The following IL27RA variants were observed in gnomAD, a reference collection of about 807,000 sequenced individuals.
The protein encoded by IL27RA is interleukin 27 receptor subunit alpha.
IL27RA carries 61 observed loss-of-function variants against 80.8 expected under a neutral mutation model. The observed-to-expected ratio is 0.76, with a 90% CI of 0.61 to 0.93. IL27RA has a LOEUF of 0.93. Among genes scored for constraint, IL27RA ranks in the 40% least tolerant of loss-of-function variants. The pLI, the probability that IL27RA is intolerant of heterozygous loss-of-function variation, is 0.00. For synonymous variants in IL27RA, 316 were observed against 332.5 expected, an observed-to-expected ratio of 0.95 and a Z score of 0.54; for missense variants, 735 against 808.1, an observed-to-expected ratio of 0.91 and a Z score of 1.10.
chr19:14,038,292 GC>G, intron 2 of IL27RA, among the ~76,000 whole-genome samples: 1 of 152,066 alleles, frequency 6.6e-6, no homozygotes, highest in African/African-American at 2.4e-5. Context: ...ACAAGTGCGC[GC>G]CACTACCCCT....
intron 2 of IL27RA, among the ~76,000 whole-genome samples, chr19:14,036,566 G>T (rs1975902927): frequency 6.8e-6 from 1 of 146,672 alleles, no homozygotes. Flanking sequence ...TCAGCTCACT[G>T]CAACCTCTGC....
At chr19:14,041,972 G>A (rs1301338370) in intron 4 of IL27RA, among the ~76,000 whole-genome samples, 1 of 152,024 alleles carries the variant, frequency 6.6e-6, no homozygotes, top group Non-Finnish European at 1.5e-5. Flanking sequence ...AGGCCGAGGC[G>A]GGCGGATCAC....
intron 2 of IL27RA, 90 bp from the exon 3 acceptor site, chr19:14,039,418 G>C: frequency 6.9e-7 from 1 of 1,458,288 alleles, no homozygotes; most frequent in Non-Finnish European, 9.3e-7. Context: ...AAGCAGAGCA[G>C]GCTGCAGCCA....
intron 10 of IL27RA, among the ~76,000 whole-genome samples, chr19:14,049,792 C>T (rs914695146): frequency 6.6e-6 from 1 of 151,948 alleles, no homozygotes; most frequent in Non-Finnish European, 1.5e-5. Flanking sequence ...GTTGGTCAGA[C>T]TGATCTCGAA....
chr19:14,035,561 A>C (rs949075476), intron 2 of IL27RA, among the ~76,000 whole-genome samples: 3 of 151,646 alleles, frequency 2.0e-5, no homozygotes, highest in East Asian at 1.9e-4. Context: ...ACGCATGGCT[A>C]ATTTTGTATT....
intron 5 of IL27RA, 37 bp from the exon 6 acceptor site, chr19:14,042,679 C>G (rs1976008481): frequency 6.2e-7 from 1 of 1,613,730 alleles, no homozygotes; most frequent in East Asian, 2.2e-5. Flanking sequence ...CCAATCATGT[C>G]CCACTCATTT....
intron 6 of IL27RA, among the ~76,000 whole-genome samples, chr19:14,044,617 C>T (rs1222033615): frequency 5.9e-5 from 9 of 151,920 alleles, no homozygotes; most frequent in Middle Eastern, 6.8e-3. Context: ...TTGATTGGAA[C>T]CAAGACCAGG....
intron 2 of IL27RA, among the ~76,000 whole-genome samples, chr19:14,037,474 C>CG (rs1470749547): frequency 6.6e-6 from 1 of 151,148 alleles, no homozygotes; most frequent in Non-Finnish European, 1.5e-5. Flanking sequence ...AGGCTGGTCT[C>CG]CAACTCCTGG....
At chr19:14,032,274 A>G in intron 1 of IL27RA, 112 bp from the exon 2 acceptor site, 1 of 859,532 alleles carries the variant, frequency 1.2e-6, no homozygotes, top group South Asian at 1.6e-5. Flanking sequence ...CCTGCTGCTC[A>G]TTTCCCTAAG....
chr19:14,044,318 C>T (rs1233815747), intron 6 of IL27RA, among the ~76,000 whole-genome samples: 1 of 151,948 alleles, frequency 6.6e-6, no homozygotes, highest in East Asian at 1.9e-4. Context: ...TGGCTCACCG[C>T]AACCTCCGCC....
At chr19:14,051,852 G>T in intron 12 of IL27RA, 28 bp from the exon 13 acceptor site, 1 of 1,550,746 alleles carries the variant, frequency 6.4e-7, no homozygotes. Context: ...ATCTGGATCT[G>T]CTGCCCTGAC....
chr19:14,042,326 A>G (rs78154133), intron 4 of IL27RA, 127 bp from the exon 5 acceptor site: 182,852 of 961,836 alleles, frequency 0.19, 19,406 homozygotes, highest in South Asian at 0.33. Flanking sequence ...AGATCACACC[A>G]CTGCACTCTA....
Position 14,050,807 on chromosome 19 carries a change from C to T in IL27RA, c.1452C>T (p.Pro484=). The T allele has an allele frequency of 2.5e-6, 4 of 1,613,744 alleles. No individual in the cohort carries two copies. Among genetic ancestry groups the T allele is most frequent in the Non-Finnish European group, 3.4e-6 (4 of 1,179,720 alleles). Residue 484 remains proline (P), a synonymous_variant, in exon 11 of 14, where the codon CCC becomes CCT. Coordinates refer to ENST00000263379, the MANE Select transcript of IL27RA (RefSeq NM_004843.4). ...CCCTGCCTGACCTTCCTTGGGGTCC[C>T]TGTGAGCTGTGGGTGACAGCATCTA... ...SVTLPDLPWG[P]CELWVTASTI... is the part of the protein sequence containing the mutation.
chr19:14,052,396 CAGA>C lies in IL27RA; in HGVS notation c.*107_*109del. 1.1e-6 allele frequency: 1 copy of C among 940,724 alleles called. No homozygotes were observed. The highest frequency in any genetic ancestry group is 1.5e-6 in the Non-Finnish European group (1 of 663,090). 58.3% of individuals were successfully genotyped at this position (940,724 alleles called of 1,614,324 possible). A position where few individuals can be genotyped will look rare whatever the true frequency, so the allele number is the denominator to read the frequency against. The stretch of plus-strand genomic sequence containing the variant: ...TTGATGGATGAAGACACTGAGGACT[CAGA>C]GAGGCTGAGTCACTTACCTGAGGAC... On this transcript the variant is annotated 3_prime_UTR_variant, in exon 14 of 14. Coordinates refer to ENST00000263379, the MANE Select transcript of IL27RA (RefSeq NM_004843.4).
In IL27RA at chr19:14,031,848, G is replaced by T. The variant is rs778985774; in HGVS notation, c.-25G>T. ...CGCGCGGACCCGGCAAGGCTGGGCCGGACTCGGGGCTCCCGAGGGACGCCA... is the reference window on the plus strand; with the variant it reads ...CGCGCGGACCCGGCAAGGCTGGGCCTGACTCGGGGCTCCCGAGGGACGCCA... On this transcript the variant is annotated 5_prime_UTR_variant, in exon 1 of 14. Coordinates refer to ENST00000263379, the MANE Select transcript of IL27RA (RefSeq NM_004843.4). The T allele has an allele frequency of 1.2e-5, 19 of 1,566,850 alleles. No individual in the cohort carries two copies. Among genetic ancestry groups the T allele is most frequent in the Non-Finnish European group, 1.6e-5 (18 of 1,155,916 alleles).
chr19:14,042,344 C>A, intron 4 of IL27RA, 109 bp from the exon 5 acceptor site: 1 of 1,192,114 alleles, frequency 8.4e-7, no homozygotes, highest in Non-Finnish European at 1.2e-6. Context: ...CTAGCCTGGG[C>A]CACAACGAGA....
At chr19:14,048,217 C>T (rs1192593799) in intron 8 of IL27RA, among the ~76,000 whole-genome samples, 7 of 151,980 alleles carry the variant, frequency 4.6e-5, no homozygotes, top group Non-Finnish European at 8.8e-5. Flanking sequence ...CTTGGCCTCC[C>T]AAAGTGCTGG....
chr19:14,033,496 C>T (rs1975852443), intron 2 of IL27RA, among the ~76,000 whole-genome samples: 1 of 151,460 alleles, frequency 6.6e-6, no homozygotes. Flanking sequence ...TTTGAGAGGC[C>T]GAGGTGGGCA....
At chr19:14,050,529 AAG>A (rs1421010655) in intron 10 of IL27RA, among the ~76,000 whole-genome samples, 20 of 139,732 alleles carry the variant, frequency 1.4e-4, no homozygotes, top group Non-Finnish European at 2.0e-4. Flanking sequence ...AAAAAAAAAA[AAG>A]AGAATCAAAC....
Sources: gnomAD v4.1 joint callset for allele counts (sites outside exome capture counted in the v4.1 genomes callset) on GRCh38, gnomAD v4.1.1 for gene constraint, MANE v1.5 for transcripts, NCBI Gene and HGNC (gene_info 2026-07-23, HGNC 2026-07-21) for gene names.